Variants in OAT observed in about 807,000 individuals in gnomAD.
The protein encoded by OAT is ornithine aminotransferase, mitochondrial.
OAT carries 35 observed loss-of-function variants against 48.4 expected under a neutral mutation model. That is an observed-to-expected ratio of 0.72 (90% CI 0.55 to 0.96). OAT has a LOEUF of 0.96. Among genes scored for constraint, OAT ranks in the 40% least tolerant of loss-of-function variants. OAT has a pLI of 0.00. For missense variants in OAT, 438 were observed against 537.9 expected, an observed-to-expected ratio of 0.81 and a Z score of 1.84; for synonymous variants, 182 against 198.4, an observed-to-expected ratio of 0.92 and a Z score of 0.70.
intron 2 of OAT, among the ~76,000 whole-genome samples, chr10:124,410,369 A>G (rs1210088028): frequency 6.6e-6 from 1 of 152,242 alleles, no homozygotes; most frequent in Non-Finnish European, 1.5e-5. Flanking sequence ...GTTAAAGAAG[A>G]CTAAACATGA....
chr10:124,411,162 A>AG (rs1209696879), intron 2 of OAT, among the ~76,000 whole-genome samples: 4 of 111,748 alleles, frequency 3.6e-5, no homozygotes, highest in Admixed American at 1.2e-4. Context: ...AAAAAAAAAA[A>AG]AAGAAGAAGA....
chr10:124,400,093 C>G (rs2134447657), intron 9 of OAT, among the ~76,000 whole-genome samples: 1 of 152,316 alleles, frequency 6.6e-6, no homozygotes, highest in South Asian at 2.1e-4. Flanking sequence ...AATAATCTGT[C>G]TAAAAGGTTT....
At chr10:124,417,555 G>T (rs1320995114) in intron 1 of OAT, among the ~76,000 whole-genome samples, 1 of 152,098 alleles carries the variant, frequency 6.6e-6, no homozygotes, top group Non-Finnish European at 1.5e-5. Context: ...ATAATACTGG[G>T]ATTACACAGG....
At chr10:124,407,790 C>T (rs1779538237) in intron 4 of OAT, among the ~76,000 whole-genome samples, 1 of 152,154 alleles carries the variant, frequency 6.6e-6, no homozygotes, top group African/African-American at 2.4e-5. Context: ...AAGAACCCAA[C>T]AGTCAAACTA....
At chr10:124,417,944 T>A (rs1305599577) in intron 1 of OAT, among the ~76,000 whole-genome samples, 1 of 151,758 alleles carries the variant, frequency 6.6e-6, no homozygotes, top group East Asian at 1.9e-4. Flanking sequence ...AGACGGTGGG[T>A]CACAGGGCGA....
chr10:124,405,868 C>G, intron 4 of OAT: 1 of 1,202,648 alleles, frequency 8.3e-7, no homozygotes, highest in Non-Finnish European at 1.0e-6. Context: ...TAATCCCCAA[C>G]CCAAAACCAA....
chr10:124,415,984 A>G (rs1358517948), intron 1 of OAT, among the ~76,000 whole-genome samples: 1 of 152,228 alleles, frequency 6.6e-6, no homozygotes, highest in African/African-American at 2.4e-5. Context: ...TAGAAAACAC[A>G]GACAAGAAAA....
Position 124,405,525 on chromosome 10 carries a change from T to C in OAT, c.559A>G (p.Ser187Gly). 1 of 1,614,074 alleles carries C rather than the reference T, an allele frequency of 6.2e-7. No homozygotes were observed. Among genetic ancestry groups the C allele is most frequent in the East Asian group, 2.2e-5 (1 of 44,878 alleles). ...TCGTAACTGGTTGGGTCTGTGGAAC[T>C]GGAGATAGCAGACAACGTCCTACCC... ...FWGRTLSAISSSTDPTSYDGF... is the reference protein window; with the variant it reads ...FWGRTLSAISGSTDPTSYDGF... Residue 187 changes from serine to glycine, a missense_variant, in exon 5 of 10, where the codon AGT becomes GGT. Physicochemically the swap from Ser to Gly is moderately conservative, Grantham distance 56. Coordinates refer to ENST00000368845, the MANE Select transcript of OAT (RefSeq NM_000274.4).
intron 4 of OAT, chr10:124,405,828 C>A (rs1264386682): frequency 8.0e-7 from 1 of 1,255,500 alleles, no homozygotes; most frequent in African/African-American, 1.5e-5. Flanking sequence ...TATATAGCCC[C>A]TGAAGATAGA....
At position 124,403,278 on chromosome 10, in the gene OAT, C is replaced by A; in HGVS notation, c.772-223G>T. 3 of 600,776 alleles carry A rather than the reference C, an allele frequency of 5.0e-6. No homozygotes were observed. In the South Asian group the frequency reaches 5.9e-5, roughly 12 times the overall value. 37.2% of individuals were successfully genotyped at this position (600,776 alleles called of 1,614,324 possible). A position where few individuals can be genotyped will look rare whatever the true frequency, so the allele number is the denominator to read the frequency against. On this transcript the variant is annotated intron_variant, in intron 6 of 9. Coordinates refer to ENST00000368845, the MANE Select transcript of OAT (RefSeq NM_000274.4). ...TGTCAGGCCACTATCTCCCTAGAGGCCCATTCTGCCCTGCTCTACATAGTG... is the reference window on the plus strand; with the variant it reads ...TGTCAGGCCACTATCTCCCTAGAGGACCATTCTGCCCTGCTCTACATAGTG...
chr10:124,405,689 C>T (rs981777098), intron 4 of OAT, 126 bp from the exon 5 acceptor site: 16 of 1,526,626 alleles, frequency 1.0e-5, no homozygotes, highest in African/African-American at 4.2e-5. Context: ...AGTGCACCTT[C>T]GGTGGGCTTT....
At chr10:124,403,171 T>A in intron 6 of OAT, 116 bp from the exon 7 acceptor site, 2 of 1,167,934 alleles carry the variant, frequency 1.7e-6, no homozygotes, top group Admixed American at 3.6e-5. Context: ...TGATGTGCCC[T>A]CAAATTTGTA....
rs1303587674 is a variant in OAT, at chr10:124,397,376, A to C, written c.*566T>G. On this transcript the variant is annotated 3_prime_UTR_variant, in exon 10 of 10. Transcript: ENST00000368845. ...TAAACATTTTTTACAAATTATAATC[A>C]AGCACTCAAAACAATTTAGGAATGT... 1 of 152,278 alleles carries C rather than the reference A, an allele frequency of 6.6e-6. No individual in the cohort carries two copies. The highest frequency in any genetic ancestry group is 1.5e-5 in the Non-Finnish European group (1 of 68,074). The allele number at this position is 152,278 out of a possible 1,614,324, so 9.4% of individuals were successfully genotyped here. A position where few individuals can be genotyped will look rare whatever the true frequency, so the allele number is the denominator to read the frequency against.
intron 4 of OAT, chr10:124,406,802 CA>C (rs58613966): frequency 0.034 from 5,239 of 155,686 alleles, 158 homozygotes; most frequent in African/African-American, 0.038. Flanking sequence ...AACTCTGTCT[CA>C]AAAAAAAAAA....
At chr10:124,411,918 T>A in intron 2 of OAT, 55 bp downstream of exon 2, 2 of 1,538,166 alleles carry the variant, frequency 1.3e-6, no homozygotes, top group African/African-American at 1.4e-5. Flanking sequence ...GGAAGCAATT[T>A]TTTTTTATAA....
intron 1 of OAT, among the ~76,000 whole-genome samples, chr10:124,418,344 C>G (rs1340564337): frequency 6.6e-6 from 1 of 152,222 alleles, no homozygotes; most frequent in African/African-American, 2.4e-5. Flanking sequence ...ACCAGGGCCA[C>G]CGGTTTACTG....
In OAT at chr10:124,397,698, T is replaced by C. The variant is rs1338767986; in HGVS notation, c.*244A>G. The C allele has an allele frequency of 4.1e-6, 2 of 488,040 alleles. No individual in the cohort carries two copies. The highest frequency in any genetic ancestry group is 3.4e-5 in the Admixed American group (1 of 29,690). The allele number at this position is 488,040 out of a possible 1,614,324, so 30.2% of individuals were successfully genotyped here. ...TATAGATGCATTTCACCTTAGGAAGTACACATGCACATCAAAACACTTCAA... is the reference window on the plus strand; with the variant it reads ...TATAGATGCATTTCACCTTAGGAAGCACACATGCACATCAAAACACTTCAA... On this transcript the variant is annotated 3_prime_UTR_variant, in exon 10 of 10. Transcript: ENST00000368845.
rs1170702129 is a variant in OAT at position 124,397,990 on chromosome 10, C to T, written c.1272G>A (p.Glu424=). 2 of 1,613,962 alleles carry T rather than the reference C, an allele frequency of 1.2e-6. No homozygotes were observed. Among genetic ancestry groups the T allele is most frequent in the South Asian group, 1.1e-5 (1 of 91,082 alleles). Residue 424 remains glutamate (E), a synonymous_variant, in exon 10 of 10, where the codon GAG becomes GAA. Transcript: ENST00000368845. ...FAPPLVIKED[E]LRESIEIINK... ...TAATAATTTCAATGGACTCTCGAAG[C>T]TCATCCTCCTTGATCACCAGCGGAG...
chr10:124,411,166 A>AAAAC (rs1951738051), intron 2 of OAT, among the ~76,000 whole-genome samples: 1 of 59,120 alleles, frequency 1.7e-5, no homozygotes, highest in Non-Finnish European at 3.4e-5. Flanking sequence ...AAAAAAAAAG[A>AAAAC]AGAAGAGATG....
Sources: gnomAD v4.1 joint callset for allele counts (sites outside exome capture counted in the v4.1 genomes callset) on GRCh38, gnomAD v4.1.1 for gene constraint, MANE v1.5 for transcripts, NCBI Gene and HGNC (gene_info 2026-07-23, HGNC 2026-07-21) for gene names.